Variants in CAMK2D observed in about 807,000 individuals in gnomAD.
CAMK2D encodes the protein calcium/calmodulin-dependent protein kinase type II subunit delta.
A neutral mutation model predicts 84.0 loss-of-function variants in CAMK2D; 37 were observed. The observed-to-expected ratio is 0.44, with a 90% CI of 0.34 to 0.58. The LOEUF is 0.58. CAMK2D is among the 20% of genes least tolerant of loss of function. The pLI, the probability that CAMK2D is intolerant of heterozygous loss-of-function variation, is 0.02. For missense variants in CAMK2D, 448 were observed against 652.5 expected (o/e 0.69, Z 3.41); for synonymous variants, 202 against 212.5 (o/e 0.95, Z 0.43).
At chr4:113,754,173 G>T in intron 2 of CAMK2D, 1 of 935,030 alleles carries the variant, frequency 1.1e-6, no homozygotes, top group Non-Finnish European at 1.3e-6. Flanking sequence ...AAATACTATT[G>T]TAACTTAAAA....
intron 2 of CAMK2D, among the ~76,000 whole-genome samples, chr4:113,748,358 G>A (rs1009607953): frequency 5.3e-5 from 8 of 151,894 alleles, no homozygotes; most frequent in Non-Finnish European, 8.8e-5. Context: ...TTTCTCGCTC[G>A]CATACTTTGT....
intron 3 of CAMK2D, among the ~76,000 whole-genome samples, chr4:113,659,784 G>C (rs1245790099): frequency 6.6e-6 from 1 of 152,182 alleles, no homozygotes; most frequent in Admixed American, 6.5e-5. Context: ...TTTTGTCAGA[G>C]TAAAATGCTT....
chr4:113,699,653 A>G (rs1168457151), intron 2 of CAMK2D, among the ~76,000 whole-genome samples: 3 of 152,168 alleles, frequency 2.0e-5, no homozygotes, highest in African/African-American at 4.8e-5. Flanking sequence ...AAAATAACAA[A>G]ACAAAACACA....
At chr4:113,571,985 TTATGTA>T (rs747646963) in intron 4 of CAMK2D, among the ~76,000 whole-genome samples, 42 of 152,322 alleles carry the variant, frequency 2.8e-4, no homozygotes, top group Non-Finnish European at 5.6e-4. Flanking sequence ...TCAATCTTGT[TTATGTA>T]GAGAGACATG....
chr4:113,506,853 A>T (rs2098133729), intron 13 of CAMK2D, among the ~76,000 whole-genome samples: 1 of 152,056 alleles, frequency 6.6e-6, no homozygotes, highest in Non-Finnish European at 1.5e-5. Context: ...CCACTTGCAC[A>T]CCTGTGCACA....
chr4:113,583,650 T>G (rs896929784), intron 4 of CAMK2D, among the ~76,000 whole-genome samples: 1 of 152,182 alleles, frequency 6.6e-6, no homozygotes, highest in East Asian at 1.9e-4. Context: ...TTTAAAGCAC[T>G]TATGGTTTGA....
intron 2 of CAMK2D, among the ~76,000 whole-genome samples, chr4:113,666,154 C>T (rs1217139209): frequency 1.3e-5 from 2 of 152,176 alleles, no homozygotes; most frequent in African/African-American, 2.4e-5. Context: ...GATTCACTTT[C>T]ACTCAACGAT....
chr4:113,488,120 A>G (rs2097783791), intron 16 of CAMK2D, among the ~76,000 whole-genome samples: 1 of 152,128 alleles, frequency 6.6e-6, no homozygotes, highest in South Asian at 2.1e-4. Flanking sequence ...AAGGAATAAT[A>G]TTTTAAAATT....
intron 9 of CAMK2D, among the ~76,000 whole-genome samples, chr4:113,516,285 T>A (rs2098282187): frequency 6.6e-6 from 1 of 152,222 alleles, no homozygotes; most frequent in African/African-American, 2.4e-5. Context: ...AAAAGCTTGC[T>A]AACTATTAGG....
In CAMK2D at chr4:113,710,994, C is replaced by T. The variant is rs1043391662; in HGVS notation, c.160+48326G>A. 7.2e-5 allele frequency among the ~76,000 whole-genome samples: 11 copies of T among 152,054 alleles called. 1 individual carries two copies. In the South Asian group the frequency reaches 8.3e-4, roughly 11 times the overall value. On this transcript the variant is annotated intron_variant, in intron 2 of 20. Coordinates refer to ENST00000511664, the MANE Select transcript of CAMK2D (RefSeq NM_001321571.2). ...CTCAAACTCTTTGAAATCTGAATCT[C>T]GTGGAATTGCTACAAAGTTGTGCTA...
intron 3 of CAMK2D, among the ~76,000 whole-genome samples, chr4:113,616,848 C>T (rs937798206): frequency 6.6e-6 from 1 of 151,976 alleles, no homozygotes; most frequent in Non-Finnish European, 1.5e-5. Flanking sequence ...TGGAAACATT[C>T]TTTGTTTTCT....
At chr4:113,524,953 GGA>G (rs1477836875) in intron 8 of CAMK2D, among the ~76,000 whole-genome samples, 9 of 152,152 alleles carry the variant, frequency 5.9e-5, no homozygotes, top group Admixed American at 2.0e-4. Context: ...CTTCTAATCT[GGA>G]GGCCTATCTG....
intron 2 of CAMK2D, among the ~76,000 whole-genome samples, chr4:113,668,456 A>G (rs1422689673): frequency 6.6e-6 from 1 of 152,232 alleles, no homozygotes; most frequent in Non-Finnish European, 1.5e-5. Context: ...TATCTGGAAC[A>G]AAAGAGGTCC....
intron 2 of CAMK2D, among the ~76,000 whole-genome samples, chr4:113,725,795 G>C (rs1324538918): frequency 6.6e-6 from 1 of 152,054 alleles, no homozygotes; most frequent in African/African-American, 2.4e-5. Flanking sequence ...TTCAAGTCCA[G>C]TAAAAGGAAA....
chr4:113,731,031 T>C (rs2099567666), intron 2 of CAMK2D, among the ~76,000 whole-genome samples: 1 of 152,178 alleles, frequency 6.6e-6, no homozygotes, highest in African/African-American at 2.4e-5. Context: ...CTGAAACTCA[T>C]ATAACCCTCA....
chr4:113,548,559 A>G (rs1339141188), intron 5 of CAMK2D: 6 of 592,364 alleles, frequency 1.0e-5, no homozygotes, highest in African/African-American at 7.7e-5. Flanking sequence ...CAAGTTGGGA[A>G]AGGCAAGGGA....
chr4:113,616,848 C>A (rs937798206), intron 3 of CAMK2D, among the ~76,000 whole-genome samples: 51 of 151,976 alleles, frequency 3.4e-4, no homozygotes, highest in African/African-American at 1.0e-3. Flanking sequence ...TGGAAACATT[C>A]TTTGTTTTCT....
At chr4:113,590,379 T>C (rs1462054043) in intron 4 of CAMK2D, among the ~76,000 whole-genome samples, 1 of 152,164 alleles carries the variant, frequency 6.6e-6, no homozygotes, top group Non-Finnish European at 1.5e-5. Context: ...GAAAAAAGTA[T>C]GTTATTTAGG....
chr4:113,738,545 G>T (rs960563444), intron 2 of CAMK2D, among the ~76,000 whole-genome samples: 1 of 152,030 alleles, frequency 6.6e-6, no homozygotes, highest in Non-Finnish European at 1.5e-5. Flanking sequence ...TTTTTAATGT[G>T]TTATTATCCT....
Sources: gnomAD v4.1 joint callset for allele counts (sites outside exome capture counted in the v4.1 genomes callset) on GRCh38, gnomAD v4.1.1 for gene constraint, MANE v1.5 for transcripts, NCBI Gene and HGNC (gene_info 2026-07-23, HGNC 2026-07-21) for gene names.